Variants in NANOG observed in about 807,000 individuals in gnomAD.
The protein encoded by NANOG is homeobox protein NANOG.
NANOG carries 2 observed loss-of-function variants against 17.7 expected under a neutral mutation model. The ratio of observed to expected loss-of-function variants is 0.11; its 90% confidence interval spans 0.05 to 0.36. The LOEUF is 0.36. NANOG is among the 10% of genes least tolerant of loss of function. NANOG has a pLI of 1.00. For synonymous variants in NANOG, 81 were observed against 124.7 expected (o/e 0.65, Z 2.33); for missense variants, 174 against 362.1 (o/e 0.48, Z 4.22).
intron 1 of NANOG, among the ~76,000 whole-genome samples, chr12:7,791,307 C>T (rs1390835469): frequency 1.3e-5 from 2 of 151,920 alleles, no homozygotes; most frequent in South Asian, 2.1e-4. Context: ...GAAGGGGTTT[C>T]GGTGTGTTGG....
intron 1 of NANOG, among the ~76,000 whole-genome samples, chr12:7,791,110 TTTC>T (rs1261753007): frequency 9.3e-6 from 1 of 107,996 alleles, no homozygotes; most frequent in African/African-American, 4.6e-5. Context: ...TCTTTCTTTC[TTTC>T]TTTTTTTTTT....
rs1467621635 is a variant in NANOG, at chr12:7,794,701, C to G, written c.524C>G (p.Pro175Arg). Reference protein sequence around the residue: ...VTQKASAPTYPSLYSSYHQGC... With the variant: ...VTQKASAPTYRSLYSSYHQGC... ...CAGAAGGCCTCAGCACCTACCTACC[C>G]CAGCCTTTACTCTTCCTACCACCAG... is the stretch of plus-strand genomic sequence containing the variant. Residue 175 changes from proline (P) to arginine (R), a missense_variant, in exon 4 of 4, where the codon CCC becomes CGC. Coordinates refer to ENST00000229307, the MANE Select transcript of NANOG (RefSeq NM_024865.4). 6.2e-7 allele frequency: 1 copy of G among 1,606,726 alleles called. No homozygotes were observed. The highest frequency in any genetic ancestry group is 1.7e-5 in the Admixed American group (1 of 59,372).
In NANOG at chr12:7,793,179, A is replaced by T; in HGVS notation, c.381A>T (p.Glu127Asp). 6.2e-7 allele frequency: 1 copy of T among 1,613,640 alleles called. No individual in the cohort carries two copies. The highest frequency in any genetic ancestry group is 8.5e-7 in the Non-Finnish European group (1 of 1,179,840). ...QKYLSLQQMQ[E>D]LSNILNLSYK... ...ACCTCAGCCTCCAGCAGATGCAAGAACTCTCCAACATCCTGAACCTCAGCT... is the reference window on the plus strand; with the variant it reads ...ACCTCAGCCTCCAGCAGATGCAAGATCTCTCCAACATCCTGAACCTCAGCT... The change falls in exon 2 of 4, where the codon GAA becomes GAT. Residue 127 changes from glutamate to aspartate, a missense_variant. By Grantham distance (45) the Glu-to-Asp change is conservative. Around this residue, in one of 2 missense-constraint regions of NANOG, gnomAD observed 158 missense variants for 244.2 expected, o/e 0.65. Coordinates refer to ENST00000229307, the MANE Select transcript of NANOG (RefSeq NM_024865.4).
At chr12:7,791,551 C>T (rs1565476399) in intron 1 of NANOG, among the ~76,000 whole-genome samples, 1 of 152,156 alleles carries the variant, frequency 6.6e-6, no homozygotes, top group Non-Finnish European at 1.5e-5. Flanking sequence ...CTTTTCAGAT[C>T]TACTTGCAAG....
chr12:7,794,353 A>G, intron 2 of NANOG, 104 bp from the exon 3 acceptor site: 3 of 1,085,080 alleles, frequency 2.8e-6, no homozygotes, highest in Non-Finnish European at 4.0e-6. Flanking sequence ...GATTACAGGC[A>G]TGAGATATGG....
In NANOG at chr12:7,793,319, C is replaced by T. The variant is rs1459971028; in HGVS notation, c.414+107C>T. On this transcript the variant is annotated intron_variant, in intron 2 of 3. Transcript: ENST00000229307. Reference sequence around the variant, plus strand: ...ATGTGTGTACTATGTGTCCGTACATCGCCTCTTGCAAATAATTTATGAAGA... The same window carrying T: ...ATGTGTGTACTATGTGTCCGTACATTGCCTCTTGCAAATAATTTATGAAGA... 86 of 1,031,296 alleles carry T rather than the reference C, an allele frequency of 8.3e-5. No individual in the cohort carries two copies. In the Admixed American group the frequency reaches 1.1e-3, roughly 13 times the overall value. 63.9% of individuals were successfully genotyped at this position (1,031,296 alleles called of 1,614,324 possible).
chr12:7,790,547 T>G (rs967023236), intron 1 of NANOG, among the ~76,000 whole-genome samples: 2 of 152,202 alleles, frequency 1.3e-5, no homozygotes. Context: ...TACCACTTTT[T>G]TGAAAATCAA....
In NANOG at chr12:7,797,724, C is replaced by T. The variant is rs1862950293; in HGVS notation, c.*2629C>T. On this transcript the variant is annotated 3_prime_UTR_variant, in exon 4 of 4. Transcript: ENST00000229307. ...ACTGGGGCTTAGTGGCACCATTTCA[C>T]CTCACTGTAGCCTCGACTTCCCGGA... The T allele has an allele frequency of 6.8e-6, 1 of 146,660 alleles. No homozygotes were observed. The highest frequency in any genetic ancestry group is 2.5e-5 in the African/African-American group (1 of 40,276). The allele number at this position is 146,660 out of a possible 1,614,324, so 9.1% of individuals were successfully genotyped here. A position where few individuals can be genotyped will look rare whatever the true frequency, so the allele number is the denominator to read the frequency against.
rs1418923513 is a variant in NANOG, at chr12:7,794,689, C to T, written c.512C>T (p.Ala171Val). 6.2e-7 allele frequency: 1 copy of T among 1,609,744 alleles called. No individual in the cohort carries two copies. Among genetic ancestry groups the T allele is most frequent in the South Asian group, 1.1e-5 (1 of 90,426 alleles). The change falls in exon 4 of 4, where the codon GCA becomes GTA. Residue 171 changes from alanine to valine, a missense_variant. This residue lies in a region of NANOG where 158 missense variants were observed against 244.2 expected (regional missense o/e 0.65). Transcript: ENST00000229307. ...CTCCTTCTCTTTCAGAAGGCCTCAG[C>T]ACCTACCTACCCCAGCCTTTACTCT... ...NSNGVTQKAS[A>V]PTYPSLYSSY... is the part of the protein sequence containing the mutation.
intron 1 of NANOG, among the ~76,000 whole-genome samples, chr12:7,791,903 T>C (rs371305661): frequency 2.0e-5 from 3 of 152,268 alleles, no homozygotes; most frequent in East Asian, 3.9e-4. Context: ...GCTGGTTTTG[T>C]TTTTTATTTT....
intron 1 of NANOG, among the ~76,000 whole-genome samples, chr12:7,792,253 T>C (rs1186163742): frequency 6.6e-6 from 1 of 152,192 alleles, no homozygotes; most frequent in African/African-American, 2.4e-5. Flanking sequence ...ATGTAGGTGT[T>C]GATGAAGATC....
chr12:7,798,824 CAG>C lies in NANOG; in HGVS notation c.*3732_*3733del, dbSNP rs1223545526. 1 of 103,466 alleles carries C rather than the reference CAG, an allele frequency of 9.7e-6. No homozygotes were observed. Among genetic ancestry groups the C allele is most frequent in the South Asian group, 4.1e-4 (1 of 2,424 alleles). The allele number at this position is 103,466 out of a possible 1,614,324, so 6.4% of individuals were successfully genotyped here. A position where few individuals can be genotyped will look rare whatever the true frequency, so the allele number is the denominator to read the frequency against. On this transcript the variant is annotated 3_prime_UTR_variant, in exon 4 of 4. Transcript: ENST00000229307. ...AAAGTAAAGGCAAACAACTGCCAGACAGAGGCAGGAAAGTGGGGGAGAGCCCT... is the reference window on the plus strand; with the variant it reads ...AAAGTAAAGGCAAACAACTGCCAGACAGGCAGGAAAGTGGGGGAGAGCCCT...
Position 7,794,996 on chromosome 12 carries a change from C to T in NANOG, c.819C>T (p.Gly273=). 2.4e-6 allele frequency: 3 copies of T among 1,233,412 alleles called. No homozygotes were observed. The highest frequency in any genetic ancestry group is 2.7e-4 in the Middle Eastern group (1 of 3,688). The allele number at this position is 1,233,412 out of a possible 1,614,324, so 76.4% of individuals were successfully genotyped here. The change falls in exon 4 of 4, where the codon GGC becomes GGT. Residue 273 remains glycine, a synonymous_variant. Transcript: ENST00000229307. ...LEAALEAAGE[G]LNVIQQTTRY... ...CTGCCTTGGAAGCTGCTGGGGAAGGCCTTAATGTAATACAGCAGACCACTA... is the reference window on the plus strand; with the variant it reads ...CTGCCTTGGAAGCTGCTGGGGAAGGTCTTAATGTAATACAGCAGACCACTA...
At chr12:7,794,330 TC>T in intron 2 of NANOG, 126 bp from the exon 3 acceptor site, 2 of 870,094 alleles carry the variant, frequency 2.3e-6, no homozygotes, top group South Asian at 3.4e-5. Context: ...GCCTTGGCCT[TC>T]CAAAGTGTTG....
intron 2 of NANOG, among the ~76,000 whole-genome samples, chr12:7,793,970 C>T (rs1443728019): frequency 2.0e-5 from 3 of 152,162 alleles, no homozygotes; most frequent in African/African-American, 7.2e-5. Context: ...GTTTTCAACT[C>T]CTGACCTCAA....
chr12:7,794,319 C>T (rs777175872), intron 2 of NANOG, 138 bp from the exon 3 acceptor site: 19 of 750,418 alleles, frequency 2.5e-5, no homozygotes, highest in South Asian at 1.5e-4. Context: ...GCAATCTGCC[C>T]GCCTTGGCCT....
chr12:7,792,867 TACTTTGAAA>T (rs1862860829), intron 1 of NANOG, 74 bp from the exon 2 acceptor site: 1 of 1,389,892 alleles, frequency 7.2e-7, no homozygotes, highest in Non-Finnish European at 9.8e-7. Flanking sequence ...ATTATCAAAG[TACTTTGAAA>T]ACAATTTTTT....
At position 7,796,432 on chromosome 12, in the gene NANOG, T is replaced by C. The variant is rs1166613038; in HGVS notation, c.*1337T>C. ...GCATCTACAAATGTAATGGGTTATT[T>C]CCGTGTATGAATCTGTAATTGATGC... On this transcript the variant is annotated 3_prime_UTR_variant, in exon 4 of 4. Coordinates refer to ENST00000229307, the MANE Select transcript of NANOG (RefSeq NM_024865.4). The C allele has an allele frequency of 6.6e-6, 1 of 152,214 alleles. No individual in the cohort carries two copies. Among genetic ancestry groups the C allele is most frequent in the African/African-American group, 2.4e-5 (1 of 41,466 alleles). The allele number at this position is 152,214 out of a possible 1,614,324, so 9.4% of individuals were successfully genotyped here. A position where few individuals can be genotyped will look rare whatever the true frequency, so the allele number is the denominator to read the frequency against.
rs1862866083 is a variant in NANOG at position 7,793,124 on chromosome 12, T to C, written c.326T>C (p.Val109Ala). The C allele has an allele frequency of 1.0e-5, 16 of 1,607,256 alleles. No individual in the cohort carries two copies. The highest frequency in any genetic ancestry group is 1.4e-5 in the Non-Finnish European group (16 of 1,173,780). Reference sequence around the variant, plus strand: ...GTGTTCTCTTCCACCCAGCTGTGTGTACTCAATGATAGATTTCAGAGACAG... The same window carrying C: ...GTGTTCTCTTCCACCCAGCTGTGTGCACTCAATGATAGATTTCAGAGACAG... ...RTVFSSTQLC[V>A]LNDRFQRQKY... is the part of the protein sequence containing the mutation. The change falls in exon 2 of 4, where the codon GTA (valine) becomes GCA (alanine). Residue 109 changes from valine to alanine, a missense_variant. Val to Ala is a moderately conservative substitution (Grantham distance 64). Transcript: ENST00000229307.
Sources: gnomAD v4.1 joint callset for allele counts (sites outside exome capture counted in the v4.1 genomes callset) on GRCh38, gnomAD v4.1.1 for gene constraint, gnomAD v4.1.1 regional missense constraint, MANE v1.5 for transcripts, NCBI Gene and HGNC (gene_info 2026-07-23, HGNC 2026-07-21) for gene names.